The following RIPOR2 variants were observed in gnomAD, a reference collection of about 807,000 sequenced individuals.
The protein encoded by RIPOR2 is RHO family interacting cell polarization regulator 2, also known as rho family-interacting cell polarization regulator 2.
In RIPOR2, 39 loss-of-function variants were observed where a neutral mutation model predicts 114.5. The observed-to-expected ratio is 0.34, with a 90% CI of 0.26 to 0.44. The LOEUF (loss-of-function observed/expected upper bound fraction) is 0.44. RIPOR2 is among the 20% of genes least tolerant of loss of function. The pLI is 1.00. For synonymous variants in RIPOR2, 445 were observed against 484.4 expected (o/e 0.92, Z 1.07); for missense variants, 1,007 against 1,255.1 (o/e 0.80, Z 2.99).
rs75226230 is a variant in RIPOR2 at position 24,969,904 on chromosome 6, A to G, written c.76+71947T>C. Among the ~76,000 whole-genome samples the G allele has an allele frequency of 9.1e-3, 1,386 of 152,280 alleles. 13 individuals carry two copies. The highest frequency in any genetic ancestry group is 0.029 in the African/African-American group (1,189 of 41,550). ...CCTCCTAAAGAACTTCCCAGAGCCA[A>G]CAGAGACCTTGTCTGTTCACTGCTG... On this transcript the variant is annotated intron_variant, in intron 1 of 13. Transcript: ENST00000510784.
At chr6:24,837,280 G>A (rs1229309327) in intron 14 of RIPOR2, among the ~76,000 whole-genome samples, 1 of 151,560 alleles carries the variant, frequency 6.6e-6, no homozygotes, top group African/African-American at 2.4e-5. Context: ...ACACCACCAT[G>A]CCTGGCTAAT....
intron 1 of RIPOR2, among the ~76,000 whole-genome samples, chr6:24,928,778 A>G (rs975774732): frequency 6.6e-6 from 1 of 152,240 alleles, no homozygotes; most frequent in African/African-American, 2.4e-5. Context: ...AACTTGTAAT[A>G]TAGCCACAGA....
chr6:24,920,527 T>G (rs886523562), intron 1 of RIPOR2, among the ~76,000 whole-genome samples: 56 of 152,224 alleles, frequency 3.7e-4, no homozygotes, highest in African/African-American at 1.3e-3. Flanking sequence ...ACTGAACTCA[T>G]GGTCTTATGG....
chr6:24,836,126 G>T, intron 14 of RIPOR2: 1 of 461,948 alleles, frequency 2.2e-6, no homozygotes, highest in Non-Finnish European at 4.0e-6. Context: ...AACCACTTAT[G>T]AAGTAGTTTC....
intron 1 of RIPOR2, among the ~76,000 whole-genome samples, chr6:24,898,081 G>A (rs1205421271): frequency 2.6e-5 from 4 of 151,824 alleles, no homozygotes; most frequent in Non-Finnish European, 5.9e-5. Flanking sequence ...AAGGAAGCAA[G>A]GAAGGAAGGA....
intron 1 of RIPOR2, among the ~76,000 whole-genome samples, chr6:24,922,031 A>G (rs1229881476): frequency 6.6e-6 from 1 of 151,818 alleles, no homozygotes; most frequent in Non-Finnish European, 1.5e-5. Flanking sequence ...GAGTTTCACC[A>G]TGTTGGCCAG....
intron 11 of RIPOR2, among the ~76,000 whole-genome samples, chr6:24,848,397 A>C (rs1391284011): frequency 6.6e-6 from 1 of 152,226 alleles, no homozygotes; most frequent in Non-Finnish European, 1.5e-5. Flanking sequence ...AGCACAATTT[A>C]GCTATACACT....
At chr6:24,943,017 T>C (rs997558874) in intron 1 of RIPOR2, among the ~76,000 whole-genome samples, 12 of 152,208 alleles carry the variant, frequency 7.9e-5, no homozygotes, top group Non-Finnish European at 1.3e-4. Context: ...ATATAAATCA[T>C]GCTGCTATAA....
At chr6:24,936,097 T>A, upstream of RIPOR2, 1 of 546,804 alleles carries the variant, frequency 1.8e-6, no homozygotes, top group Non-Finnish European at 3.2e-6. Flanking sequence ...CCAGGTGGGG[T>A]AATTCTCACC....
At chr6:25,002,741 G>A (rs377398256) in intron 1 of RIPOR2, among the ~76,000 whole-genome samples, 1 of 152,170 alleles carries the variant, frequency 6.6e-6, no homozygotes, top group African/African-American at 2.4e-5. Flanking sequence ...CACCTGGCAC[G>A]GTGTCAATCA....
chr6:25,010,252 A>G (rs1775722351), intron 1 of RIPOR2, among the ~76,000 whole-genome samples: 1 of 152,048 alleles, frequency 6.6e-6, no homozygotes, highest in Non-Finnish European at 1.5e-5. Flanking sequence ...GGATGATTGA[A>G]TCATCACTAT....
At chr6:24,926,752 A>G (rs1290270210) in intron 1 of RIPOR2, among the ~76,000 whole-genome samples, 1 of 152,182 alleles carries the variant, frequency 6.6e-6, no homozygotes, top group Non-Finnish European at 1.5e-5. Context: ...ATATTTATGT[A>G]GTAAACCCTT....
At position 24,825,427 on chromosome 6, in the gene RIPOR2, A is replaced by C. The variant is rs1182522840; in HGVS notation, c.2667T>G (p.Val889=). The C allele has an allele frequency of 2.6e-6, 4 of 1,550,316 alleles. No homozygotes were observed. The highest frequency in any genetic ancestry group is 2.6e-6 in the Non-Finnish European group (3 of 1,145,348). Residue 889 remains valine, a splice_region_variant and synonymous_variant, in exon 19 of 22, where the codon GTT becomes GTG. Coordinates refer to ENST00000643898, the MANE Select transcript of RIPOR2 (RefSeq NM_001286445.3). Reference sequence around the variant, plus strand: ...GTGATTGCAGAGTCTGAACCATGGAAACTGGAGGGTAAGAAGGAAGGAGAT... The same window carrying C: ...GTGATTGCAGAGTCTGAACCATGGACACTGGAGGGTAAGAAGGAAGGAGAT... ...ESYLSQLARQ[V]SMVQTLQSLR... is the part of the protein sequence containing the mutation.
At chr6:24,968,261 T>C (rs1223739440) in intron 1 of RIPOR2, among the ~76,000 whole-genome samples, 2 of 152,184 alleles carry the variant, frequency 1.3e-5, no homozygotes, top group East Asian at 3.8e-4. Flanking sequence ...GACCTCTCGA[T>C]ACCATCTTTC....
chr6:24,830,316 T>C (rs952915782), intron 17 of RIPOR2, among the ~76,000 whole-genome samples, 193 bp downstream of exon 17: 18 of 152,180 alleles, frequency 1.2e-4, no homozygotes, highest in African/African-American at 4.3e-4. Context: ...TTAAAACAGT[T>C]CAACACTTTC....
chr6:25,013,788 T>A (rs1775867365), intron 1 of RIPOR2, among the ~76,000 whole-genome samples: 1 of 152,170 alleles, frequency 6.6e-6, no homozygotes, highest in African/African-American at 2.4e-5. Flanking sequence ...TGCTTGGAGT[T>A]CCTGTAGTTC....
intron 1 of RIPOR2, among the ~76,000 whole-genome samples, chr6:24,904,571 T>C (rs1035271135): frequency 1.3e-5 from 2 of 152,262 alleles, no homozygotes; most frequent in African/African-American, 4.8e-5. Context: ...CACAGGTTCC[T>C]GGCATTAGGA....
At chr6:24,855,102 C>T (rs1470979048) in intron 8 of RIPOR2, among the ~76,000 whole-genome samples, 1 of 151,152 alleles carries the variant, frequency 6.6e-6, no homozygotes, top group South Asian at 2.1e-4. Flanking sequence ...AATGGATCCC[C>T]AGGGAAAAAA....
chr6:25,031,192 G>T (rs905585761), intron 1 of RIPOR2: 1 of 152,162 alleles, frequency 6.6e-6, no homozygotes, highest in Non-Finnish European at 1.5e-5. Context: ...GCACACACCC[G>T]GTCAGCAGAG....
Sources: gnomAD v4.1 joint callset for allele counts (sites outside exome capture counted in the v4.1 genomes callset) on GRCh38, gnomAD v4.1.1 for gene constraint, MANE v1.5 for transcripts, NCBI Gene and HGNC (gene_info 2026-07-23, HGNC 2026-07-21) for gene names.